The following DMD variants were observed in gnomAD, a reference collection of about 807,000 sequenced individuals.
The protein encoded by DMD is dystrophin.
DMD carries 63 observed loss-of-function variants against 330.1 expected under a neutral mutation model. The observed-to-expected ratio is 0.19, with a 90% confidence interval of 0.16 to 0.24. The LOEUF is 0.24. DMD is among the 10% of genes least tolerant of loss of function. The pLI is 1.00. For missense variants in DMD, 3,344 were observed against 2,684.1 expected, an observed-to-expected ratio of 1.25 and a Z score of -5.43; for synonymous variants, 1,223 against 959.8, an observed-to-expected ratio of 1.27 and a Z score of -5.07.
intron 16 of DMD, among the ~76,000 whole-genome samples, chrX:32,550,368 C>T (rs1379991121): frequency 9.0e-6 from 1 of 111,528 alleles, no homozygotes; most frequent in African/African-American, 3.3e-5. Flanking sequence ...GGAAATCAAA[C>T]AAACTGCTCC....
At chrX:31,668,499 A>G (rs933548800) in intron 53 of DMD, among the ~76,000 whole-genome samples, 19 of 111,125 alleles carry the variant, frequency 1.7e-4, no homozygotes, top group African/African-American at 6.2e-4. Context: ...TTGACAAATA[A>G]TTATATACAT....
At chrX:32,235,280 G>C (rs1323890011) in intron 43 of DMD, among the ~76,000 whole-genome samples, 1 of 110,726 alleles carries the variant, frequency 9.0e-6, no homozygotes, top group African/African-American at 3.3e-5. Context: ...TAGATCCCTT[G>C]CATGAGTAGT....
chrX:32,797,199 C>G (rs758974255), intron 7 of DMD, among the ~76,000 whole-genome samples: 1 of 110,618 alleles, frequency 9.0e-6, no homozygotes, highest in African/African-American at 3.3e-5. Flanking sequence ...CATAGCTCAC[C>G]GCAGCCTTGA....
intron 7 of DMD, among the ~76,000 whole-genome samples, chrX:32,797,767 T>A (rs1412321125): frequency 3.6e-5 from 4 of 110,971 alleles, no homozygotes; most frequent in Non-Finnish European, 7.6e-5. Context: ...AATCACTTAA[T>A]GTCACTGTAT....
intron 1 of DMD, among the ~76,000 whole-genome samples, chrX:33,324,272 C>T (rs921322855): frequency 1.8e-5 from 2 of 110,516 alleles, no homozygotes; most frequent in African/African-American, 6.6e-5. Context: ...AGCATGTCAT[C>T]AGTGATAAAA....
intron 52 of DMD, among the ~76,000 whole-genome samples, chrX:31,704,945 A>G (rs1485456907): frequency 8.9e-6 from 1 of 112,396 alleles, no homozygotes; most frequent in African/African-American, 3.2e-5. Context: ...TGCCTTTGGA[A>G]TCTATGCTTT....
intron 13 of DMD, among the ~76,000 whole-genome samples, chrX:32,578,656 T>C (rs1206006162): frequency 8.9e-6 from 1 of 111,951 alleles, no homozygotes; most frequent in Non-Finnish European, 1.9e-5. Context: ...CTGACAAGCC[T>C]GGGAGGTAAA....
intron 60 of DMD, among the ~76,000 whole-genome samples, chrX:31,440,093 T>TA (rs2149052327): frequency 9.0e-6 from 1 of 110,717 alleles, no homozygotes; most frequent in South Asian, 3.8e-4. Flanking sequence ...AAGATACATG[T>TA]AAAAAAGTGA....
At chrX:32,299,583 C>G (rs1411076587) in intron 42 of DMD, among the ~76,000 whole-genome samples, 2 of 108,699 alleles carry the variant, frequency 1.8e-5, no homozygotes, top group Non-Finnish European at 3.8e-5. Context: ...CATCAAGAAA[C>G]TGTATAGCGT....
At chrX:31,382,427 T>C (rs2060226337) in intron 60 of DMD, among the ~76,000 whole-genome samples, 1 of 111,424 alleles carries the variant, frequency 9.0e-6, no homozygotes, top group African/African-American at 3.3e-5. Context: ...GCCCTGCTCT[T>C]GTTTACACTG....
At chrX:32,297,256 T>TTTATTTATTTATTTATTTA (rs2097501282) in intron 42 of DMD, among the ~76,000 whole-genome samples, 1 of 99,761 alleles carries the variant, frequency 1.0e-5, no homozygotes, top group Non-Finnish European at 2.0e-5. Context: ...TATTTATTTA[T>TTTATTTATTTATTTATTTA]TTATTTATTT....
At chrX:33,332,018 A>C (rs1603431034) in intron 1 of DMD, among the ~76,000 whole-genome samples, 1 of 111,891 alleles carries the variant, frequency 8.9e-6, no homozygotes, top group Non-Finnish European at 1.9e-5. Context: ...AGTTATAAAA[A>C]AGGTTTTCTT....
At chrX:32,738,087 A>G (rs1404625292) in intron 7 of DMD, among the ~76,000 whole-genome samples, 1 of 111,761 alleles carries the variant, frequency 8.9e-6, no homozygotes, top group African/African-American at 3.2e-5. Flanking sequence ...CTAGAGCTCA[A>G]GTGAAATATG....
chrX:32,071,438 C>T (rs2096297107), intron 44 of DMD, among the ~76,000 whole-genome samples: 1 of 97,858 alleles, frequency 1.0e-5, no homozygotes, highest in African/African-American at 3.9e-5. Context: ...TGTTCTCGCT[C>T]ATAGGTGGGA....
At chrX:32,125,465 G>T (rs2096657222) in intron 44 of DMD, among the ~76,000 whole-genome samples, 1 of 111,797 alleles carries the variant, frequency 8.9e-6, no homozygotes, top group East Asian at 2.8e-4. Flanking sequence ...TTTGGTCCTT[G>T]TTGAGTCTGA....
chrX:32,886,276 G>A (rs1299976434), intron 2 of DMD, among the ~76,000 whole-genome samples: 2 of 109,139 alleles, frequency 1.8e-5, no homozygotes, highest in African/African-American at 6.7e-5. Flanking sequence ...AGTTTTATGT[G>A]ACAATTTAGG....
chrX:31,680,301 C>T (rs758678214), intron 52 of DMD, among the ~76,000 whole-genome samples: 4 of 111,516 alleles, frequency 3.6e-5, no homozygotes, highest in African/African-American at 6.5e-5. Context: ...ATCACTTGCT[C>T]TTAAAACCTT....
At chrX:32,125,196 G>T (rs754878454) in intron 44 of DMD, among the ~76,000 whole-genome samples, 1 of 110,999 alleles carries the variant, frequency 9.0e-6, no homozygotes, top group South Asian at 3.9e-4. Flanking sequence ...GGGTAGGGGG[G>T]TTACTGTGTT....
intron 44 of DMD, among the ~76,000 whole-genome samples, chrX:32,099,444 T>C (rs1020119047): frequency 9.1e-6 from 1 of 110,214 alleles, no homozygotes; most frequent in Non-Finnish European, 1.9e-5. Context: ...CGTGCACACA[T>C]ATGTTTATTG....
Sources: gnomAD v4.1 joint callset for allele counts (sites outside exome capture counted in the v4.1 genomes callset) on GRCh38, gnomAD v4.1.1 for gene constraint, MANE v1.5 for transcripts, NCBI Gene and HGNC (gene_info 2026-07-23, HGNC 2026-07-21) for gene names.